Variants in CNTNAP3B observed in about 807,000 individuals in gnomAD.
CNTNAP3B encodes contactin associated protein family member 3B.
In CNTNAP3B, 25 loss-of-function variants were observed where a neutral mutation model predicts 108.9. That is an observed-to-expected ratio of 0.23 (90% CI 0.17 to 0.32). The LOEUF (loss-of-function observed/expected upper bound fraction) is 0.32. Among genes scored for constraint, CNTNAP3B ranks in the 10% least tolerant of loss-of-function variants. The pLI, the probability that CNTNAP3B is intolerant of heterozygous loss-of-function variation, is 1.00. For synonymous variants in CNTNAP3B, 103 were observed against 473.4 expected (o/e 0.22, Z 10.16); for missense variants, 252 against 1,210.4 (o/e 0.21, Z 11.75).
intron 13 of CNTNAP3B, among the ~76,000 whole-genome samples, chr9:41,945,551 G>T (rs1411221530): frequency 6.6e-6 from 1 of 152,308 alleles, no homozygotes; most frequent in Non-Finnish European, 1.5e-5. Flanking sequence ...TCACTCATAG[G>T]TGGGAATTGA....
At chr9:41,956,169 G>A (rs1176820705) in intron 12 of CNTNAP3B, among the ~76,000 whole-genome samples, 9 of 152,258 alleles carry the variant, frequency 5.9e-5, no homozygotes, top group South Asian at 2.1e-4. Flanking sequence ...GGCGGATTAC[G>A]AGGTCAGGAG....
chr9:41,934,169 A>C (rs1824078194), intron 14 of CNTNAP3B, among the ~76,000 whole-genome samples: 1 of 130,536 alleles, frequency 7.7e-6, no homozygotes, highest in African/African-American at 3.0e-5. Flanking sequence ...ACACACACAC[A>C]TATATATACA....
At chr9:41,956,149 G>T (rs1824850699) in intron 12 of CNTNAP3B, among the ~76,000 whole-genome samples, 1 of 152,250 alleles carries the variant, frequency 6.6e-6, no homozygotes, top group Admixed American at 6.5e-5. Flanking sequence ...CACTTTGGGA[G>T]GCCGAGGCAG....
chr9:42,085,899 A>G (rs921392178), intron 2 of CNTNAP3B, among the ~76,000 whole-genome samples: 1 of 145,242 alleles, frequency 6.9e-6, no homozygotes. Context: ...CTTTAATTTT[A>G]TTACTAAATA....
intron 1 of CNTNAP3B, among the ~76,000 whole-genome samples, chr9:42,121,208 G>A: frequency 7.2e-6 from 1 of 138,428 alleles, no homozygotes; most frequent in East Asian, 2.2e-4. Flanking sequence ...CCGGCTTCCT[G>A]AGAGCTTCCC....
At chr9:41,932,129 G>C (rs1823995489) in intron 14 of CNTNAP3B, among the ~76,000 whole-genome samples, 1 of 150,660 alleles carries the variant, frequency 6.6e-6, no homozygotes, top group Admixed American at 6.6e-5. Flanking sequence ...ATTTGTAATA[G>C]TTATCAGACT....
chr9:42,127,098 G>T (rs1234214769), intron 1 of CNTNAP3B, among the ~76,000 whole-genome samples: 2 of 138,706 alleles, frequency 1.4e-5, no homozygotes, highest in African/African-American at 5.7e-5. Context: ...GATCTAAAAG[G>T]TAATTTAAAA....
chr9:42,056,252 T>A (rs1459124187), intron 3 of CNTNAP3B, among the ~76,000 whole-genome samples: 1 of 137,194 alleles, frequency 7.3e-6, no homozygotes, highest in Non-Finnish European at 1.6e-5. Flanking sequence ...TCTAATAAAC[T>A]GAGTAGTACC....
chr9:42,126,652 C>A (rs1309990870), intron 1 of CNTNAP3B, among the ~76,000 whole-genome samples: 2 of 135,458 alleles, frequency 1.5e-5, no homozygotes, highest in African/African-American at 3.0e-5. Flanking sequence ...TCACTGCAAC[C>A]TCCACCTCCC....
intron 6 of CNTNAP3B, among the ~76,000 whole-genome samples, chr9:41,997,323 G>A (rs1222847434): frequency 6.6e-6 from 1 of 152,194 alleles, no homozygotes; most frequent in Non-Finnish European, 1.5e-5. Context: ...TTGCTACCTT[G>A]GTATTTCTGC....
At chr9:42,054,865 A>C (rs1429393007) in intron 3 of CNTNAP3B, among the ~76,000 whole-genome samples, 1 of 149,484 alleles carries the variant, frequency 6.7e-6, no homozygotes, top group African/African-American at 2.5e-5. Context: ...GTGCTATACC[A>C]AATGACCTCC....
intron 4 of CNTNAP3B, among the ~76,000 whole-genome samples, chr9:42,003,099 G>A (rs553122319): frequency 3.7e-5 from 5 of 136,590 alleles, no homozygotes; most frequent in East Asian, 2.2e-4. Context: ...ATGATGCCAA[G>A]GCTGGTCTTG....
chr9:41,949,814 T>A (rs1365921205), intron 13 of CNTNAP3B, among the ~76,000 whole-genome samples: 1 of 151,908 alleles, frequency 6.6e-6, no homozygotes, highest in African/African-American at 2.4e-5. Context: ...GAATTTAGGG[T>A]TAGGTAAAGA....
intron 9 of CNTNAP3B, among the ~76,000 whole-genome samples, chr9:41,971,186 T>TA (rs1825421880): frequency 9.2e-6 from 1 of 109,012 alleles, no homozygotes; most frequent in Non-Finnish European, 1.9e-5. Context: ...TAAGCAGTAT[T>TA]ACTCCACACC....
rs1250204412 is a variant in CNTNAP3B, at chr9:42,098,322, C to T, written c.196+6307G>A. Among the ~76,000 whole-genome samples the T allele has an allele frequency of 3.7e-4, 47 of 126,712 alleles. 4 individuals carry two copies. The Middle Eastern group carries it at 0.019, about 51-fold the overall frequency. 83.1% of individuals were successfully genotyped at this position (126,712 alleles called of 152,430 possible). ...GGCGTGGTGGCTCACGCCTGTAATCCCAGCACTCTGGGAGGCCGAGAAAGG... is the reference window on the plus strand; with the variant it reads ...GGCGTGGTGGCTCACGCCTGTAATCTCAGCACTCTGGGAGGCCGAGAAAGG... On this transcript the variant is annotated intron_variant, in intron 2 of 23. Coordinates refer to ENST00000377561, the MANE Select transcript of CNTNAP3B (RefSeq NM_001201380.3).
At chr9:41,954,683 T>C (rs1587140788) in intron 12 of CNTNAP3B, among the ~76,000 whole-genome samples, 1 of 152,268 alleles carries the variant, frequency 6.6e-6, no homozygotes, top group East Asian at 1.9e-4. Context: ...AGATTTTTTA[T>C]TTAACTTATT....
intron 14 of CNTNAP3B, among the ~76,000 whole-genome samples, chr9:41,933,303 C>A (rs1310734474): frequency 6.6e-6 from 1 of 152,292 alleles, no homozygotes; most frequent in Non-Finnish European, 1.5e-5. Flanking sequence ...ATATAAACAA[C>A]CTTCCTCTCT....
chr9:41,997,198 C>A (rs1386986426), intron 6 of CNTNAP3B, among the ~76,000 whole-genome samples: 1 of 148,672 alleles, frequency 6.7e-6, no homozygotes, highest in Non-Finnish European at 1.5e-5. Flanking sequence ...GTTAGGATTG[C>A]ACCAAGACAA....
chr9:42,088,554 A>G lies in CNTNAP3B; in HGVS notation c.197-11492T>C, dbSNP rs544424515. ...TAAGATTAATTTCTTTAAAATCTAC[A>G]TATTTCTTCAATCGAAACACATTTT... On this transcript the variant is annotated intron_variant, in intron 2 of 23. Coordinates refer to ENST00000377561, the MANE Select transcript of CNTNAP3B (RefSeq NM_001201380.3). Among the ~76,000 whole-genome samples the G allele has an allele frequency of 9.8e-4, 136 of 139,464 alleles. 24 individuals carry two copies. Among genetic ancestry groups the G allele is most frequent in the Middle Eastern group, 7.0e-3 (2 of 286 alleles). 91.5% of individuals were successfully genotyped at this position (139,464 alleles called of 152,430 possible).
Sources: gnomAD v4.1 joint callset for allele counts (sites outside exome capture counted in the v4.1 genomes callset) on GRCh38, gnomAD v4.1.1 for gene constraint, MANE v1.5 for transcripts, NCBI Gene and HGNC (gene_info 2026-07-23, HGNC 2026-07-21) for gene names.